The following FNDC1 variants were observed in gnomAD, a reference collection of about 807,000 sequenced individuals.
FNDC1 encodes the protein fibronectin type III domain-containing protein 1.
A neutral mutation model predicts 168.0 loss-of-function variants in FNDC1; 96 were observed. That is an observed-to-expected ratio of 0.57 (90% CI 0.48 to 0.68). FNDC1 has a LOEUF of 0.68. FNDC1 is among the 30% of genes least tolerant of loss of function. The probability of loss-of-function intolerance (pLI) is 0.00; values close to 1 mark genes in which losing one functional copy is unlikely to be tolerated. For missense variants in FNDC1, 2,587 were observed against 2,482.1 expected (o/e 1.04, Z -0.90); for synonymous variants, 1,099 against 1,025.9 (o/e 1.07, Z -1.36).
In FNDC1 at chr6:159,261,218, C is replaced by A. The variant is rs1777477254; in HGVS notation, c.5203C>A (p.Pro1735Thr). Residue 1735 changes from proline to threonine, a missense_variant, in exon 19 of 23, where the codon CCT becomes ACT. Physicochemically the swap from Pro to Thr is conservative, Grantham distance 38. Coordinates refer to ENST00000297267, the MANE Select transcript of FNDC1 (RefSeq NM_032532.3). ...RYYFKVQAQN[P>T]HGYGPISPSV... is the part of the protein sequence containing the mutation. ...TTATTTTAAAGTGCAAGCACAAAAT[C>A]CTCATGGCTACGGACCTATCAGCCC... 6.2e-7 allele frequency: 1 copy of A among 1,612,996 alleles called. No homozygotes were observed. Among genetic ancestry groups the A allele is most frequent in the African/African-American group, 1.3e-5 (1 of 74,894 alleles).
At position 159,234,032 on chromosome 6, in the gene FNDC1, T is replaced by C; in HGVS notation, c.3520T>C (p.Ser1174Pro). ...GCCCCTGTCCTCCAAGTCCCAGCAG[T>C]CGGTCTCAGCCGAGGACGACGAGGA... ...KRPLSSKSQQSVSAEDDEEED... is the reference protein window; with the variant it reads ...KRPLSSKSQQPVSAEDDEEED... Residue 1174 changes from serine (S) to proline (P), a missense_variant, in exon 11 of 23, where the codon TCG becomes CCG. By Grantham distance (74) the Ser-to-Pro change is moderately conservative (BLOSUM62 -1). Coordinates refer to ENST00000297267, the MANE Select transcript of FNDC1 (RefSeq NM_032532.3). 1 of 1,611,608 alleles carries C rather than the reference T, an allele frequency of 6.2e-7. No individual in the cohort carries two copies. Among genetic ancestry groups the C allele is most frequent in the Non-Finnish European group, 8.5e-7 (1 of 1,179,220 alleles).
chr6:159,270,950 G>C (rs1052094677), intron 22 of FNDC1, among the ~76,000 whole-genome samples: 3 of 152,232 alleles, frequency 2.0e-5, no homozygotes, highest in African/African-American at 4.8e-5. Flanking sequence ...CATGTGTGGG[G>C]ACTGGACGAT....
In FNDC1 at chr6:159,261,223, T is replaced by C. The variant is rs775425956; in HGVS notation, c.5208T>C (p.His1736=). The stretch of plus-strand genomic sequence containing the variant: ...TTAAAGTGCAAGCACAAAATCCTCA[T>C]GGCTACGGACCTATCAGCCCTTCGG... ...YYFKVQAQNP[H]GYGPISPSVS... The change falls in exon 19 of 23, where the codon CAT becomes CAC. Residue 1736 remains histidine (H), a synonymous_variant. Coordinates refer to ENST00000297267, the MANE Select transcript of FNDC1 (RefSeq NM_032532.3). 17 of 1,613,318 alleles carry C rather than the reference T, an allele frequency of 1.1e-5. No individual in the cohort carries two copies. The highest frequency in any genetic ancestry group is 1.7e-4 in the Middle Eastern group (1 of 6,056).
Position 159,251,406 on chromosome 6 carries a change from G to T in FNDC1, c.4939G>T (p.Asp1647Tyr). ...VDSLDEIIPNDLKKSDLPPQH... is the reference protein window; with the variant it reads ...VDSLDEIIPNYLKKSDLPPQH... ...CAGCCTGGATGAAATCATCCCCAAT[G>T]ACCTGAAGAAGAGTGACCTGCCTCC... Residue 1647 changes from aspartate to tyrosine, a missense_variant, in exon 17 of 23, where the codon GAC becomes TAC. By Grantham distance (160) the Asp-to-Tyr change is radical. Transcript: ENST00000297267. 1 of 1,613,934 alleles carries T rather than the reference G, an allele frequency of 6.2e-7. No individual in the cohort carries two copies. The highest frequency in any genetic ancestry group is 2.2e-5 in the East Asian group (1 of 44,880).
intron 4 of FNDC1, among the ~76,000 whole-genome samples, chr6:159,205,050 T>A (rs893598514): frequency 7.2e-5 from 11 of 152,174 alleles, no homozygotes; most frequent in Non-Finnish European, 1.3e-4. Flanking sequence ...CACCTTCTCT[T>A]TAAGGCTGAC....
chr6:159,263,693 C>T (rs956523763), intron 19 of FNDC1, among the ~76,000 whole-genome samples: 19 of 152,228 alleles, frequency 1.2e-4, no homozygotes, highest in Admixed American at 5.9e-4. Flanking sequence ...AGCTGGGAGA[C>T]GGAGCTTGCA....
intron 1 of FNDC1, among the ~76,000 whole-genome samples, chr6:159,181,532 A>G (rs74755928): frequency 0.03 from 4,623 of 152,322 alleles, 105 homozygotes; most frequent in East Asian, 0.099. Context: ...GCCATAAATG[A>G]CAACCAAATA....
chr6:159,234,246 C>A lies in FNDC1; in HGVS notation c.3734C>A (p.Pro1245His). The A allele has an allele frequency of 6.3e-7, 1 of 1,592,022 alleles. No individual in the cohort carries two copies. Among genetic ancestry groups the A allele is most frequent in the Non-Finnish European group, 8.6e-7 (1 of 1,169,294 alleles). ...CTGGCTCCTGTGAAGCGACCTCTCC[C>A]CCCACCTCCAGGCAGCTCCCCCAGG... Reference protein sequence around the residue: ...GSLAPVKRPLPPPPGSSPRAS... With the variant: ...GSLAPVKRPLHPPPGSSPRAS... The change falls in exon 11 of 23, where the codon CCC becomes CAC. Residue 1245 changes from proline (P) to histidine (H), a missense_variant. By Grantham distance (77) the Pro-to-His change is moderately conservative (BLOSUM62 -2). Transcript: ENST00000297267.
At chr6:159,251,675 GTCT>G (rs1348879646) in intron 17 of FNDC1, 143 bp downstream of exon 17, 1 of 717,480 alleles carries the variant, frequency 1.4e-6, no homozygotes, top group African/African-American at 1.8e-5. Context: ...ATGGATAGAT[GTCT>G]TCCTTCAACT....
chr6:159,232,156 C>T lies in FNDC1; in HGVS notation c.1644C>T (p.Ser548=), dbSNP rs1020772190. 3.7e-6 allele frequency: 6 copies of T among 1,613,784 alleles called. No homozygotes were observed. Among genetic ancestry groups the T allele is most frequent in the African/African-American group, 1.3e-5 (1 of 74,912 alleles). The part of the protein sequence containing the change: ...TEITGEEELG[S]REDSPMSPSD... ...TCACTGGGGAGGAGGAGCTGGGTTC[C>T]CGGGAGGACTCGCCCATGTCACCCT... The change falls in exon 11 of 23, where the codon TCC becomes TCT. Residue 548 remains serine, a synonymous_variant. Coordinates refer to ENST00000297267, the MANE Select transcript of FNDC1 (RefSeq NM_032532.3). This position sits in a 1 kb window ranked among gnomAD's most constrained non-coding sequence, Gnocchi z 4.9.
chr6:159,201,375 T>C (rs1270047779), intron 4 of FNDC1, among the ~76,000 whole-genome samples: 1 of 152,218 alleles, frequency 6.6e-6, no homozygotes, highest in African/African-American at 2.4e-5. Context: ...TAGGTGGTCT[T>C]CACAGTGCAT....
At chr6:159,240,178 GAA>G (rs5881320) in intron 14 of FNDC1, among the ~76,000 whole-genome samples, 2 of 151,990 alleles carry the variant, frequency 1.3e-5, no homozygotes, top group African/African-American at 2.4e-5. Context: ...ATATTTATAT[GAA>G]AAAAATTATT....
intron 9 of FNDC1, among the ~76,000 whole-genome samples, chr6:159,229,153 CA>C (rs5881318): frequency 0.38 from 58,383 of 152,020 alleles, 14,352 homozygotes; most frequent in East Asian, 0.73. Flanking sequence ...TTTGGTTTTC[CA>C]AAATTCAGGG....
chr6:159,246,795 C>T (rs1777145461), intron 14 of FNDC1, 106 bp from the exon 15 acceptor site: 1 of 772,468 alleles, frequency 1.3e-6, no homozygotes, highest in East Asian at 2.5e-5. Flanking sequence ...GACTTGTTTT[C>T]ATGACCTGCT....
chr6:159,222,138 T>C (rs928413232), intron 6 of FNDC1, among the ~76,000 whole-genome samples: 1 of 152,228 alleles, frequency 6.6e-6, no homozygotes, highest in Non-Finnish European at 1.5e-5. Context: ...AAAAGCATCA[T>C]AGTGGTTTGC....
chr6:159,266,792 A>G (rs982166954), intron 21 of FNDC1, among the ~76,000 whole-genome samples: 13 of 151,952 alleles, frequency 8.6e-5, no homozygotes, highest in Admixed American at 2.0e-4. Context: ...AACTTTACAG[A>G]GAAAAAATGT....
Position 159,248,859 on chromosome 6 carries a change from G to A in FNDC1, c.4691-180G>A, listed in dbSNP as rs140462261. Reference sequence around the variant, plus strand: ...GCAGGGACAGAAATGGGAAGAAATAGTATTTTAGTAGAAACAAATTACGTT... The same window carrying A: ...GCAGGGACAGAAATGGGAAGAAATAATATTTTAGTAGAAACAAATTACGTT... On this transcript the variant is annotated intron_variant, in intron 15 of 22. Transcript: ENST00000297267. Among the ~76,000 whole-genome samples the A allele has an allele frequency of 7.5e-3, 1,144 of 152,286 alleles. 14 individuals are homozygous for A. The highest frequency in any genetic ancestry group is 0.026 in the African/African-American group (1,089 of 41,546).
At chr6:159,241,018 A>C (rs892824846) in intron 14 of FNDC1, 1 of 152,226 alleles carries the variant, frequency 6.6e-6, no homozygotes, top group Non-Finnish European at 1.5e-5. Flanking sequence ...ATTCTGTTGG[A>C]AGTTAGTCTT....
chr6:159,234,120 G>A lies in FNDC1; in HGVS notation c.3608G>A (p.Trp1203Ter). 6.2e-7 allele frequency: 1 copy of A among 1,605,348 alleles called. No individual in the cohort carries two copies. The highest frequency in any genetic ancestry group is 8.5e-7 in the Non-Finnish European group (1 of 1,175,686). ...EDLLSSSVPK[W>*]PSSSTPRGGK... Reference sequence around the variant, plus strand: ...CTTCTGTCTTCCTCTGTGCCAAAGTGGCCCTCTTCCTCCACTCCCAGGGGC... The same window carrying A: ...CTTCTGTCTTCCTCTGTGCCAAAGTAGCCCTCTTCCTCCACTCCCAGGGGC... The change falls in exon 11 of 23, where the codon TGG (tryptophan) becomes TAG (stop). Residue 1203 changes from tryptophan (W) to a stop codon, truncating the protein, a stop_gained. Transcript: ENST00000297267. LOFTEE classifies it high-confidence loss of function.
Sources: allele counts gnomAD v4.1 joint callset (sites outside exome capture counted in the v4.1 genomes callset), GRCh38; gene constraint gnomAD v4.1.1; non-coding constraint Gnocchi (gnomAD v3.1); transcripts MANE v1.5; gene names NCBI Gene and HGNC (gene_info 2026-07-23, HGNC 2026-07-21).